The following PLXNA4 variants were observed in gnomAD, a reference collection of about 807,000 sequenced individuals.
PLXNA4 encodes plexin-A4.
In PLXNA4, 44 loss-of-function variants were observed where a neutral mutation model predicts 191.8. That is an observed-to-expected ratio of 0.23 (90% confidence interval 0.18 to 0.29). PLXNA4 has a LOEUF of 0.29. Ranked by LOEUF, PLXNA4 falls within the 10% of genes least tolerant of loss-of-function variation. The pLI, the probability that PLXNA4 is intolerant of heterozygous loss-of-function variation, is 1.00. For synonymous variants in PLXNA4, 1,082 were observed against 1,009.5 expected, an observed-to-expected ratio of 1.07 and a Z score of -1.36; for missense variants, 1,800 against 2,488.8, an observed-to-expected ratio of 0.72 and a Z score of 5.89.
intron 2 of PLXNA4, among the ~76,000 whole-genome samples, chr7:132,588,306 G>A (rs944811077): frequency 2.2e-4 from 34 of 151,868 alleles, no homozygotes; most frequent in African/African-American, 2.4e-5. Flanking sequence ...CTGAACAATG[G>A]CATTCTTATC....
At chr7:132,188,989 GAAAGGAGAGA>G (rs1562908740) in intron 14 of PLXNA4, among the ~76,000 whole-genome samples, 2 of 48,330 alleles carry the variant, frequency 4.1e-5, no homozygotes, top group Non-Finnish European at 3.4e-5. Context: ...GAAAGGAAAG[GAAAGGAGAGA>G]GAGAGAGAGA....
At chr7:132,253,393 G>A (rs189351641) in intron 4 of PLXNA4, among the ~76,000 whole-genome samples, 4 of 151,838 alleles carry the variant, frequency 2.6e-5, no homozygotes, top group Admixed American at 2.6e-4. Context: ...ACACCACCAT[G>A]CCAAGCTAAT....
rs1299493308 is a variant in PLXNA4, at chr7:132,576,149, A to C, written c.-87+273T>G. 3.3e-5 allele frequency among the ~76,000 whole-genome samples: 5 copies of C among 152,224 alleles called. No individual in the cohort carries two copies. The highest frequency in any genetic ancestry group is 3.3e-4 in the Admixed American group (5 of 15,288). ...TCCCACCCCGAAAGTCCCGGGAAAG[A>C]GAAGTCTGAGTCCAGGAGCGTGAGA... On this transcript the variant is annotated intron_variant, in intron 1 of 31. Transcript: ENST00000321063. The surrounding 1 kb of genome is among the most constrained non-coding windows in gnomAD (Gnocchi z 5.8).
intron 14 of PLXNA4, among the ~76,000 whole-genome samples, chr7:132,189,433 C>A (rs1228426645): frequency 6.6e-6 from 1 of 152,082 alleles, no homozygotes; most frequent in African/African-American, 2.4e-5. Context: ...TGCATGGAGA[C>A]CTTTAGGAAC....
intron 3 of PLXNA4, among the ~76,000 whole-genome samples, chr7:132,347,522 G>A (rs1803293685): frequency 6.6e-6 from 1 of 152,210 alleles, no homozygotes; most frequent in Non-Finnish European, 1.5e-5. Flanking sequence ...ATCAACGCCA[G>A]CTCAATGAAG....
At chr7:132,262,537 T>C (rs1482362896) in intron 4 of PLXNA4, among the ~76,000 whole-genome samples, 3 of 151,676 alleles carry the variant, frequency 2.0e-5, no homozygotes, top group Non-Finnish European at 4.4e-5. Flanking sequence ...TAGGAAAGAG[T>C]TGGTGGCACA....
chr7:132,157,344 T>G (rs1364299593), intron 25 of PLXNA4, among the ~76,000 whole-genome samples: 1 of 152,230 alleles, frequency 6.6e-6, no homozygotes, highest in Non-Finnish European at 1.5e-5. Flanking sequence ...CTTTGTCTGC[T>G]GCTGTTTCCA....
chr7:132,288,442 C>T (rs1402914271), intron 4 of PLXNA4, among the ~76,000 whole-genome samples: 1 of 152,158 alleles, frequency 6.6e-6, no homozygotes, highest in Non-Finnish European at 1.5e-5. Flanking sequence ...AGAATCTGTT[C>T]CAGACAAATG....
chr7:132,335,685 G>A (rs750969102), intron 3 of PLXNA4, among the ~76,000 whole-genome samples: 3 of 152,330 alleles, frequency 2.0e-5, no homozygotes, highest in Non-Finnish European at 2.9e-5. Flanking sequence ...AACCATCAAC[G>A]AATATGAGTT....
intron 1 of PLXNA4, among the ~76,000 whole-genome samples, chr7:132,561,904 TCTCCTC>T (rs1457009696): frequency 1.6e-5 from 1 of 64,258 alleles, no homozygotes; most frequent in Non-Finnish European, 3.2e-5. Flanking sequence ...TCCTTCTCCT[TCTCCTC>T]CTTATCCTCC....
intron 3 of PLXNA4, among the ~76,000 whole-genome samples, chr7:132,373,643 C>A (rs1251199004): frequency 6.6e-6 from 1 of 152,138 alleles, no homozygotes; most frequent in Admixed American, 6.5e-5. Context: ...ACTTGAAACC[C>A]CTGGGCCTTC....
rs867833410 is a variant in PLXNA4 at position 132,298,195 on chromosome 7, C to T, written c.1399G>A (p.Ala467Thr). 2.4e-5 allele frequency: 38 copies of T among 1,613,824 alleles called. No homozygotes were observed. The highest frequency in any genetic ancestry group is 2.7e-5 in the African/African-American group (2 of 74,934). The change falls in exon 4 of 32, where the codon GCC becomes ACC. Residue 467 changes from alanine to threonine, a missense_variant. Physicochemically the swap from Ala to Thr is moderately conservative, Grantham distance 58 (BLOSUM62 0). Transcript: ENST00000321063. ...ACCTGCACCGTCTCATACTGGAGGG[C>T]GTTGCCCCTGGGTCCATCCACCCGG... ...KIRVDGPRGN[A>T]LQYETVQVVD...
chr7:132,132,457 G>T (rs1307778858), intron 31 of PLXNA4, among the ~76,000 whole-genome samples: 9 of 46,838 alleles, frequency 1.9e-4, no homozygotes, highest in African/African-American at 8.8e-4. Flanking sequence ...GTTCTGTTCT[G>T]TTCTGTTCTG....
At chr7:132,512,674 C>T (rs903687273) in intron 1 of PLXNA4, among the ~76,000 whole-genome samples, 5 of 152,190 alleles carry the variant, frequency 3.3e-5, no homozygotes, top group South Asian at 2.1e-4. Context: ...GACACCCCGC[C>T]GAGCTTGGGA....
At chr7:132,260,081 C>T (rs1799582665) in intron 4 of PLXNA4, among the ~76,000 whole-genome samples, 1 of 151,994 alleles carries the variant, frequency 6.6e-6, no homozygotes, top group East Asian at 1.9e-4. Context: ...TAGTTCAGCC[C>T]CTGTGGAAAC....
chr7:132,611,888 G>C lies in PLXNA4; in HGVS notation c.-87+34040C>G, dbSNP rs6954812. 6.5e-3 allele frequency among the ~76,000 whole-genome samples: 992 copies of C among 152,150 alleles called. 17 individuals are homozygous for C. The highest frequency in any genetic ancestry group is 0.022 in the African/African-American group (909 of 41,486). ...GGGCACATTCTTTCCCCTAAAAAAGGCTGGAAGGAGGGAAAGAGTCCAGGG... is the reference window on the plus strand; with the variant it reads ...GGGCACATTCTTTCCCCTAAAAAAGCCTGGAAGGAGGGAAAGAGTCCAGGG... On this transcript the variant is annotated intron_variant, in intron 2 of 4. Transcript: ENST00000378539.
intron 21 of PLXNA4, among the ~76,000 whole-genome samples, chr7:132,174,470 G>A (rs561770999): frequency 4.6e-5 from 7 of 152,282 alleles, no homozygotes; most frequent in South Asian, 4.1e-4. Context: ...TGTATTTGCC[G>A]TGTTTCTTGT....
At chr7:132,264,843 G>T (rs947768122) in intron 4 of PLXNA4, among the ~76,000 whole-genome samples, 2 of 151,902 alleles carry the variant, frequency 1.3e-5, no homozygotes, top group South Asian at 2.1e-4. Flanking sequence ...GATTACAGGC[G>T]CCTGCCACCT....
intron 21 of PLXNA4, among the ~76,000 whole-genome samples, chr7:132,171,456 C>T (rs543127356): frequency 9.8e-5 from 15 of 152,316 alleles, no homozygotes; most frequent in Admixed American, 6.5e-4. Context: ...AAAGCCAACT[C>T]GGATGTCTCT....
Sources: gnomAD v4.1 joint callset for allele counts (sites outside exome capture counted in the v4.1 genomes callset) on GRCh38, gnomAD v4.1.1 for gene constraint, Gnocchi (gnomAD v3.1) non-coding constraint, MANE v1.5 for transcripts, NCBI Gene and HGNC (gene_info 2026-07-23, HGNC 2026-07-21) for gene names.